The following MROH2A variants were observed in gnomAD, a reference collection of about 807,000 sequenced individuals.
The protein encoded by MROH2A is maestro heat-like repeat-containing protein family member 2A.
A neutral mutation model predicts 200.4 loss-of-function variants in MROH2A; 174 were observed. That is an observed-to-expected ratio of 0.87 (90% CI 0.77 to 0.98). The LOEUF (loss-of-function observed/expected upper bound fraction) is 0.98. MROH2A is among the 50% of genes least tolerant of loss of function. The probability of loss-of-function intolerance (pLI) is 0.00; values close to 1 mark genes in which losing one functional copy is unlikely to be tolerated. For synonymous variants in MROH2A, 829 were observed against 840.4 expected (o/e 0.99, Z 0.23); for missense variants, 2,045 against 2,139.6 (o/e 0.96, Z 0.87).
chr2:233,789,325 A>G (rs1367165443), intron 3 of MROH2A, among the ~76,000 whole-genome samples, 172 bp from the exon 4 acceptor site: 1 of 152,206 alleles, frequency 6.6e-6, no homozygotes, highest in East Asian at 1.9e-4. Context: ...TGGGATGAGA[A>G]GGGCAGGAGA....
intron 5 of MROH2A, among the ~76,000 whole-genome samples, chr2:233,791,795 G>A (rs939950008): frequency 4.6e-5 from 7 of 152,138 alleles, no homozygotes; most frequent in African/African-American, 1.7e-4. Context: ...GCTGGAGAAG[G>A]CGGGAGGTGG....
At chr2:233,788,694 T>A (rs1414582974) in intron 3 of MROH2A, among the ~76,000 whole-genome samples, 1 of 151,848 alleles carries the variant, frequency 6.6e-6, no homozygotes, top group East Asian at 1.9e-4. Flanking sequence ...TCCCAGCACT[T>A]TGGGAGGCCG....
At chr2:233,799,924 G>A (rs11563069) in intron 13 of MROH2A, 25 bp downstream of exon 13, 1,235,561 of 1,550,074 alleles carry the variant, frequency 0.8, 494,494 homozygotes, top group Non-Finnish European at 0.81. Context: ...TACGCAGACC[G>A]CAGAGCAGCT....
chr2:233,800,801 A>G (rs966133258), intron 14 of MROH2A, among the ~76,000 whole-genome samples: 2 of 152,120 alleles, frequency 1.3e-5, no homozygotes, highest in African/African-American at 4.8e-5. Context: ...AGACTATGGG[A>G]GAAACAAATG....
chr2:233,801,365 G>C (rs967775069), intron 14 of MROH2A, among the ~76,000 whole-genome samples: 9 of 152,142 alleles, frequency 5.9e-5, no homozygotes, highest in African/African-American at 2.2e-4. Context: ...GGTGTTGAAC[G>C]GTCACCCAGG....
intron 24 of MROH2A, among the ~76,000 whole-genome samples, chr2:233,812,350 C>A (rs1374451285): frequency 1.3e-5 from 2 of 152,164 alleles, no homozygotes; most frequent in East Asian, 1.9e-4. Flanking sequence ...ACCACTGGTA[C>A]AAAATGATCT....
At position 233,820,008 on chromosome 2, in the gene MROH2A, A is replaced by G. The variant is rs1703828894; in HGVS notation, c.3464A>G (p.Gln1155Arg). 1 of 1,545,748 alleles carries G rather than the reference A, an allele frequency of 6.5e-7. No individual in the cohort carries two copies. The highest frequency in any genetic ancestry group is 1.4e-5 in the African/African-American group (1 of 72,930). The change falls in exon 31 of 42, where the codon CAG (glutamine) becomes CGG (arginine). Residue 1155 changes from glutamine to arginine, a missense_variant. Transcript: ENST00000389758. The surrounding 1 kb of genome is among the most constrained non-coding windows in gnomAD (Gnocchi z 4.1). Reference sequence around the variant, plus strand: ...ATCCTGCTGCTGGCGCACCACCACCAGGAGACCATCCTCACATCGCTCCTG... The same window carrying G: ...ATCCTGCTGCTGGCGCACCACCACCGGGAGACCATCCTCACATCGCTCCTG... ...DGILLLAHHH[Q>R]ETILTSLLRQ...
At position 233,792,929 on chromosome 2, in the gene MROH2A, G is replaced by A. The variant is rs150443896; in HGVS notation, c.670+35G>A. 3.2e-3 allele frequency: 4,940 copies of A among 1,547,762 alleles called. 169 individuals are homozygous for A. In the Admixed American group the frequency reaches 0.073, roughly 23 times the overall value. On this transcript the variant is annotated intron_variant, in intron 6 of 41. Transcript: ENST00000389758. The stretch of plus-strand genomic sequence containing the variant: ...CCACTTGAGCCTGCAGGTCTGGCTC[G>A]ATCAGGGCGCCGGAGGGAGACTGCT...
At position 233,833,365 on chromosome 2, in the gene MROH2A, T is replaced by G. The variant is rs952560933; in HGVS notation, c.*106T>G. ...TTGTAGGAAAAACACTATTGTAAAATAACTAGTATCCTTTTGTTTCCTTCC... is the reference window on the plus strand; with the variant it reads ...TTGTAGGAAAAACACTATTGTAAAAGAACTAGTATCCTTTTGTTTCCTTCC... On this transcript the variant is annotated 3_prime_UTR_variant, in exon 42 of 42. Transcript: ENST00000389758. 1.6e-6 allele frequency: 2 copies of G among 1,214,788 alleles called. No homozygotes were observed. Among genetic ancestry groups the G allele is most frequent in the Non-Finnish European group, 2.2e-6 (2 of 902,388 alleles). The allele number at this position is 1,214,788 out of a possible 1,614,324, so 75.3% of individuals were successfully genotyped here.
intron 15 of MROH2A, 107 bp downstream of exon 15, chr2:233,802,422 C>T: frequency 7.7e-7 from 1 of 1,297,900 alleles, no homozygotes; most frequent in Non-Finnish European, 1.0e-6. Flanking sequence ...TCCCCCTTCT[C>T]CTGGAAACAT....
In MROH2A at chr2:233,828,663, C is replaced by T. The variant is rs939124398; in HGVS notation, c.4147C>T (p.Leu1383=). ...CGGCCCAGTTCTGTACCAGGAGAAG[C>T]TGCTGAAGCCGGCAGCTTTGCTGCT... is the stretch of plus-strand genomic sequence containing the variant. The part of the protein sequence containing the change: ...MSGPVLYQEK[L]LKPAALLLEK... Residue 1383 remains leucine (L), a synonymous_variant, in exon 36 of 42, where the codon CTG becomes TTG. Coordinates refer to ENST00000389758, the MANE Select transcript of MROH2A (RefSeq NM_001394639.1). This position sits in a 1 kb window ranked among gnomAD's most constrained non-coding sequence, Gnocchi z 4.6. 1.3e-6 allele frequency: 2 copies of T among 1,550,670 alleles called. No homozygotes were observed. Among genetic ancestry groups the T allele is most frequent in the Non-Finnish European group, 1.7e-6 (2 of 1,147,048 alleles).
chr2:233,796,350 G>A, intron 11 of MROH2A, 37 bp downstream of exon 11: 1 of 629,740 alleles, frequency 1.6e-6, no homozygotes, highest in Non-Finnish European at 2.6e-6. Flanking sequence ...GGCGGGGAGG[G>A]TGGGGTAGGC....
chr2:233,813,201 C>T (rs1247854567), intron 24 of MROH2A, among the ~76,000 whole-genome samples: 1 of 152,196 alleles, frequency 6.6e-6, no homozygotes, highest in African/African-American at 2.4e-5. Context: ...CAGTCCACCC[C>T]CAGAATTTTT....
At position 233,805,014 on chromosome 2, in the gene MROH2A, A is replaced by G; in HGVS notation, c.1955A>G (p.Asn652Ser). 1 of 1,549,446 alleles carries G rather than the reference A, an allele frequency of 6.5e-7. No individual in the cohort carries two copies. Among genetic ancestry groups the G allele is most frequent in the Non-Finnish European group, 8.7e-7 (1 of 1,146,434 alleles). ...CTTGTGCCTCCCCAGTTTCTGCGAA[A>G]CTCCCTCAAGAAGACCCGGGGGTCT... Reference protein sequence around the residue: ...WEDKLIQFLRNSLKKTRGSSW... With the variant: ...WEDKLIQFLRSSLKKTRGSSW... The change falls in exon 19 of 42, where the codon AAC becomes AGC. Residue 652 changes from asparagine (N) to serine (S), a missense_variant. Coordinates refer to ENST00000389758, the MANE Select transcript of MROH2A (RefSeq NM_001394639.1).
At chr2:233,784,509 A>C (rs1003453856) in intron 3 of MROH2A, among the ~76,000 whole-genome samples, 4 of 152,312 alleles carry the variant, frequency 2.6e-5, no homozygotes, top group African/African-American at 7.2e-5. Context: ...ATGACGTTGA[A>C]ATGTGACCTC....
rs965636151 is a variant in MROH2A at position 233,822,950 on chromosome 2, C to T, written c.3936C>T (p.Asp1312=). 1.7e-5 allele frequency: 26 copies of T among 1,550,494 alleles called. No homozygotes were observed. Among genetic ancestry groups the T allele is most frequent in the African/African-American group, 2.7e-5 (2 of 73,066 alleles). ...GCCAGCACCTGGCACATACCCTGGA[C>T]GAGCAGGCAGTGTGGGACCTCCTGC... ...VKSQHLAHTL[D]EQAVWDLLQD... Residue 1312 remains aspartate, a synonymous_variant, in exon 34 of 42, where the codon GAC becomes GAT. Transcript: ENST00000389758.
chr2:233,829,651 T>A lies in MROH2A; in HGVS notation c.4478T>A (p.Ile1493Asn). The A allele has an allele frequency of 6.8e-7, 1 of 1,472,016 alleles. No individual in the cohort carries two copies. Among genetic ancestry groups the A allele is most frequent in the South Asian group, 1.4e-5 (1 of 71,036 alleles). The allele number at this position is 1,472,016 out of a possible 1,614,324, so 91.2% of individuals were successfully genotyped here. A position where few individuals can be genotyped will look rare whatever the true frequency, so the allele number is the denominator to read the frequency against. ...ESELLRLKAFILFGKLARVVG... is the reference protein window; with the variant it reads ...ESELLRLKAFNLFGKLARVVG... Reference sequence around the variant, plus strand: ...GAGCTGCTGCGTCTGAAAGCCTTCATCCTCTTTGGAAAGCTGGCAAGGGTG... The same window carrying A: ...GAGCTGCTGCGTCTGAAAGCCTTCAACCTCTTTGGAAAGCTGGCAAGGGTG... Residue 1493 changes from isoleucine to asparagine, a missense_variant, in exon 38 of 42, where the codon ATC (isoleucine) becomes AAC (asparagine). Ile to Asn is a moderately radical substitution (Grantham distance 149). Around this residue, in one of 3 missense-constraint regions of MROH2A, gnomAD observed 1,201 missense variants for 1,311.3 expected, o/e 0.92. Transcript: ENST00000389758.
Position 233,810,960 on chromosome 2 carries a change from G to A in MROH2A, c.2571+44G>A, listed in dbSNP as rs1004462581. 4 of 1,545,590 alleles carry A rather than the reference G, an allele frequency of 2.6e-6. No homozygotes were observed. In the African/African-American group the frequency reaches 4.1e-5, roughly 16 times the overall value. ...CTCCTTGGTCCTGTTCCTGGTTTTGGGGTCTAACTCCCTGCGGTGAGAGGT... is the reference window on the plus strand; with the variant it reads ...CTCCTTGGTCCTGTTCCTGGTTTTGAGGTCTAACTCCCTGCGGTGAGAGGT... On this transcript the variant is annotated intron_variant, in intron 23 of 41. Transcript: ENST00000389758.
chr2:233,809,014 A>G (rs936302850), intron 21 of MROH2A, 112 bp from the exon 22 acceptor site: 1 of 1,204,632 alleles, frequency 8.3e-7, no homozygotes. Context: ...AGTCAGGTGA[A>G]GCACCGCCAG....
Sources: allele counts gnomAD v4.1 joint callset (sites outside exome capture counted in the v4.1 genomes callset), GRCh38; gene constraint gnomAD v4.1.1; regional missense constraint gnomAD v4.1.1; non-coding constraint Gnocchi (gnomAD v3.1); transcripts MANE v1.5; gene names NCBI Gene and HGNC (gene_info 2026-07-23, HGNC 2026-07-21).